Variants in STAG1 observed in about 807,000 individuals in gnomAD.
STAG1 encodes the protein cohesin subunit SA-1.
In STAG1, 26 loss-of-function variants were observed where a neutral mutation model predicts 170.9. The observed-to-expected ratio is 0.15, with a 90% CI of 0.11 to 0.21. The LOEUF is 0.21. Among genes scored for constraint, STAG1 ranks in the 10% least tolerant of loss-of-function variants. STAG1 has a pLI of 1.00. For missense variants in STAG1, 964 were observed against 1,509.5 expected (o/e 0.64, Z 5.99); for synonymous variants, 514 against 497.7 (o/e 1.03, Z -0.44).
At chr3:136,565,114 GAAAGAAAGGAA>G (rs1362506135) in intron 5 of STAG1, among the ~76,000 whole-genome samples, 2 of 144,462 alleles carry the variant, frequency 1.4e-5, no homozygotes, top group Non-Finnish European at 3.0e-5. Flanking sequence ...GAAAGAGAGA[GAAAGAAAGGAA>G]AGAGAAAGGG....
rs57317570 is a variant in STAG1 at position 136,536,714 on chromosome 3, A to AC, written c.471+5404_471+5405insG. ...CAAGACTCAGTCTCCAAAAAAAAAAAAAAAAAAAAAAACTACGGCTGTAGG... is the reference window on the plus strand; with the variant it reads ...CAAGACTCAGTCTCCAAAAAAAAAAACAAAAAAAAAAAACTACGGCTGTAGG... On this transcript the variant is annotated intron_variant, in intron 6 of 33. Coordinates refer to ENST00000383202, the MANE Select transcript of STAG1 (RefSeq NM_005862.3). 4.2e-4 allele frequency among the ~76,000 whole-genome samples: 64 copies of AC among 151,082 alleles called. No individual in the cohort carries two copies. The East Asian group carries it at 9.2e-3, about 22-fold the overall frequency.
chr3:136,582,461 T>A (rs1025121617), intron 4 of STAG1, among the ~76,000 whole-genome samples: 3 of 152,224 alleles, frequency 2.0e-5, no homozygotes, highest in African/African-American at 7.2e-5. Flanking sequence ...CCTTTGCTAG[T>A]TGCTAATGGT....
At chr3:136,380,993 C>T (rs578074169) in intron 22 of STAG1, among the ~76,000 whole-genome samples, 2 of 140,894 alleles carry the variant, frequency 1.4e-5, no homozygotes, top group South Asian at 4.5e-4. Context: ...CACTGCACTC[C>T]AGCCTGGGAG....
At chr3:136,575,523 T>C (rs112372962) in intron 4 of STAG1, among the ~76,000 whole-genome samples, 7 of 152,306 alleles carry the variant, frequency 4.6e-5, no homozygotes, top group African/African-American at 1.4e-4. Context: ...TATTCCAATG[T>C]GGATTGTCTC....
intron 16 of STAG1, among the ~76,000 whole-genome samples, chr3:136,424,622 T>A (rs550383828): frequency 3.3e-5 from 5 of 151,814 alleles, no homozygotes; most frequent in Non-Finnish European, 4.4e-5. Context: ...TGTGAGCCAC[T>A]GCGCCCAGCC....
intron 7 of STAG1, among the ~76,000 whole-genome samples, chr3:136,515,352 G>A (rs1302204581): frequency 2.0e-5 from 3 of 152,126 alleles, no homozygotes; most frequent in Non-Finnish European, 4.4e-5. Context: ...GTAACACAGT[G>A]AGACTCCATC....
intron 1 of STAG1, among the ~76,000 whole-genome samples, chr3:136,723,374 C>A (rs1246271131): frequency 6.6e-6 from 1 of 151,310 alleles, no homozygotes; most frequent in Non-Finnish European, 1.5e-5. Context: ...AGCACCTCTA[C>A]CCGGCCGCGA....
chr3:136,524,572 T>G (rs959167209), intron 6 of STAG1, among the ~76,000 whole-genome samples: 2 of 152,200 alleles, frequency 1.3e-5, no homozygotes, highest in Non-Finnish European at 2.9e-5. Flanking sequence ...CTTCTCCTAA[T>G]TGAATACCCT....
intron 4 of STAG1, among the ~76,000 whole-genome samples, chr3:136,584,962 T>A (rs1937735088): frequency 6.6e-6 from 1 of 152,246 alleles, no homozygotes; most frequent in African/African-American, 2.4e-5. Context: ...GTTCCTGGAA[T>A]GAATCATAAC....
Position 136,358,088 on chromosome 3 carries a change from ATT to A in STAG1, c.2937-242_2937-241del, listed in dbSNP as rs68065485. On this transcript the variant is annotated intron_variant, in intron 27 of 33. Coordinates refer to ENST00000383202, the MANE Select transcript of STAG1 (RefSeq NM_005862.3). The stretch of plus-strand genomic sequence containing the variant: ...TACAGAGCAACAAAGCTAAATTCGT[ATT>A]TTTTTTTTTTTTTTTGAGACAAGGT... Among the ~76,000 whole-genome samples the A allele has an allele frequency of 7.1e-3, 1,001 of 140,582 alleles. 9 individuals are homozygous for A. The highest frequency in any genetic ancestry group is 0.05 in the East Asian group (245 of 4,880). 92.2% of individuals were successfully genotyped at this position (140,582 alleles called of 152,430 possible).
chr3:136,450,586 T>TA (rs1273498124), intron 14 of STAG1, among the ~76,000 whole-genome samples: 1 of 152,208 alleles, frequency 6.6e-6, no homozygotes, highest in Non-Finnish European at 1.5e-5. Flanking sequence ...TCCTTATTCC[T>TA]ACTAAGTTCC....
intron 9 of STAG1, among the ~76,000 whole-genome samples, chr3:136,486,174 C>A (rs1441709842): frequency 6.6e-6 from 1 of 152,168 alleles, no homozygotes; most frequent in African/African-American, 2.4e-5. Context: ...CTACTGTGTA[C>A]CTAATGTAGG....
intron 22 of STAG1, among the ~76,000 whole-genome samples, chr3:136,384,749 C>T (rs1409390288): frequency 6.9e-6 from 1 of 145,740 alleles, no homozygotes; most frequent in Admixed American, 6.9e-5. Flanking sequence ...GCCTGGGCAA[C>T]AGAGTGAGAC....
At chr3:136,422,325 A>G (rs1217599825) in intron 19 of STAG1, 85 bp downstream of exon 19, 1 of 1,289,172 alleles carries the variant, frequency 7.8e-7, no homozygotes, top group Middle Eastern at 2.0e-4. Flanking sequence ...ATTTCATTTT[A>G]AAATGAAAAT....
chr3:136,472,425 G>A lies in STAG1; in HGVS notation c.1193C>T (p.Thr398Ile), dbSNP rs528410131. 1.9e-6 allele frequency: 3 copies of A among 1,610,786 alleles called. No individual in the cohort carries two copies. The highest frequency in any genetic ancestry group is 2.2e-5 in the South Asian group (2 of 90,948). ...GGATATTACTTACTGAAGTATCAGAGTAACCAATCGAATAGCTTCCACAGC... is the reference window on the plus strand; with the variant it reads ...GGATATTACTTACTGAAGTATCAGAATAACCAATCGAATAGCTTCCACAGC... ...DVAVEAIRLV[T>I]LILHGSEEAL... is the part of the protein sequence containing the mutation. Residue 398 changes from threonine to isoleucine, a missense_variant, in exon 12 of 34, where the codon ACT (threonine) becomes ATT (isoleucine). Physicochemically the swap from Thr to Ile is moderately conservative, Grantham distance 89 (BLOSUM62 -1). Transcript: ENST00000383202.
intron 1 of STAG1, among the ~76,000 whole-genome samples, chr3:136,644,648 T>C (rs1240255379): frequency 6.6e-6 from 1 of 152,222 alleles, no homozygotes; most frequent in Non-Finnish European, 1.5e-5. Context: ...AATTAACAGT[T>C]TACTAGACTC....
chr3:136,337,308 T>TTATC lies in STAG1; in HGVS notation c.*942_*945dup, dbSNP rs1935722449. The TTATC allele has an allele frequency of 6.6e-6, 1 of 152,638 alleles. No individual in the cohort carries two copies. Among genetic ancestry groups the TTATC allele is most frequent in the East Asian group, 1.9e-4 (1 of 5,206 alleles). 9.5% of individuals were successfully genotyped at this position (152,638 alleles called of 1,614,324 possible). A position where few individuals can be genotyped will look rare whatever the true frequency, so the allele number is the denominator to read the frequency against. On this transcript the variant is annotated 3_prime_UTR_variant, in exon 34 of 34. Coordinates refer to ENST00000383202, the MANE Select transcript of STAG1 (RefSeq NM_005862.3). Reference sequence around the variant, plus strand: ...TGATAAAGGATTTCTTCATGATTGATTATCTTAAGAAAATGGAAGTCTGTG... The same window carrying TTATC: ...TGATAAAGGATTTCTTCATGATTGATTATCTATCTTAAGAAAATGGAAGTCTGTG...
chr3:136,484,945 T>TGC (rs1559833134), intron 9 of STAG1, among the ~76,000 whole-genome samples: 1 of 151,996 alleles, frequency 6.6e-6, no homozygotes, highest in Non-Finnish European at 1.5e-5. Context: ...TCGCGCACGG[T>TGC]GCGCGCACAC....
intron 7 of STAG1, among the ~76,000 whole-genome samples, chr3:136,507,025 A>G (rs1933803838): frequency 1.3e-5 from 2 of 152,226 alleles, no homozygotes; most frequent in Non-Finnish European, 2.9e-5. Flanking sequence ...AAGCCGTATA[A>G]ACATACTTAT....
Sources: allele counts gnomAD v4.1 joint callset (sites outside exome capture counted in the v4.1 genomes callset), GRCh38; gene constraint gnomAD v4.1.1; transcripts MANE v1.5; gene names NCBI Gene and HGNC (gene_info 2026-07-23, HGNC 2026-07-21).